The following MNAT1 variants were observed in gnomAD, a reference collection of about 807,000 sequenced individuals.
MNAT1 encodes MNAT1 component of CDK activating kinase.
MNAT1 carries 43 observed loss-of-function variants against 42.0 expected under a neutral mutation model. The ratio of observed to expected loss-of-function variants is 1.02; its 90% CI spans 0.80 to 1.32. The LOEUF is 1.32. Among genes scored for constraint, MNAT1 ranks in the 40% most tolerant of loss-of-function variants. The pLI is 0.00. For missense variants in MNAT1, 306 were observed against 350.4 expected (o/e 0.87, Z 1.01); for synonymous variants, 118 against 120.0 (o/e 0.98, Z 0.11).
At chr14:60,736,739 C>A (rs922208466) in intron 1 of MNAT1, among the ~76,000 whole-genome samples, 1 of 152,062 alleles carries the variant, frequency 6.6e-6, no homozygotes, top group African/African-American at 2.4e-5. Flanking sequence ...CTTTGTTAGC[C>A]GTTCTTCTTG....
Position 60,935,450 on chromosome 14 carries a change from C to T in MNAT1, c.810-32779C>T, listed in dbSNP as rs79234055. 1.8e-4 allele frequency among the ~76,000 whole-genome samples: 28 copies of T among 152,152 alleles called. 1 individual carries two copies. The East Asian group carries it at 5.0e-3, about 27-fold the overall frequency. ...ATAAAAAGTTGCATTTTGATTCTTACTGTTGCTTATTCATTTTCCATTAGT... is the reference window on the plus strand; with the variant it reads ...ATAAAAAGTTGCATTTTGATTCTTATTGTTGCTTATTCATTTTCCATTAGT... On this transcript the variant is annotated intron_variant, in intron 7 of 7. Coordinates refer to ENST00000261245, the MANE Select transcript of MNAT1 (RefSeq NM_002431.4).
In MNAT1 at chr14:60,812,040, T is replaced by A. The variant is rs755692118; in HGVS notation, c.474T>A (p.Asn158Lys). The A allele has an allele frequency of 2.5e-6, 4 of 1,604,392 alleles. No individual in the cohort carries two copies. Among genetic ancestry groups the A allele is most frequent in the African/African-American group, 1.3e-5 (1 of 74,256 alleles). ...EEALEVERQE[N>K]EQRRLFIQKE... is the part of the protein sequence containing the mutation. ...CTTTAGAAGTGGAACGACAGGAAAA[T>A]GAACAAAGAAGATTATTTATACAAA... Residue 158 changes from asparagine (N) to lysine (K), a missense_variant, in exon 5 of 8, where the codon AAT becomes AAA. Asn to Lys is a moderately conservative substitution (Grantham distance 94). Around this residue, in one of 3 missense-constraint regions of MNAT1, gnomAD observed 118 missense variants for 99.8 expected, o/e 1.18. Transcript: ENST00000261245.
chr14:60,916,384 A>G (rs570543330), intron 7 of MNAT1, among the ~76,000 whole-genome samples: 12 of 152,262 alleles, frequency 7.9e-5, no homozygotes, highest in East Asian at 5.8e-4. Flanking sequence ...GCCAGGTGCT[A>G]TGGCTCACGC....
At chr14:60,841,003 G>T (rs1432205798) in intron 6 of MNAT1, among the ~76,000 whole-genome samples, 1 of 152,146 alleles carries the variant, frequency 6.6e-6, no homozygotes, top group East Asian at 1.9e-4. Flanking sequence ...GTCTGTCTTG[G>T]TGAATATTGT....
intron 5 of MNAT1, among the ~76,000 whole-genome samples, chr14:60,817,134 T>G (rs1427971044): frequency 6.6e-6 from 1 of 151,930 alleles, no homozygotes; most frequent in African/African-American, 2.4e-5. Flanking sequence ...AGGAAATTTA[T>G]TTTTCTTTTG....
At chr14:60,942,942 C>A (rs555920461) in intron 7 of MNAT1, among the ~76,000 whole-genome samples, 1 of 147,790 alleles carries the variant, frequency 6.8e-6, no homozygotes, top group East Asian at 2.0e-4. Flanking sequence ...CTGATAATCT[C>A]TTAGTTATCT....
rs377454616 is a variant in MNAT1, at chr14:60,943,053, CTTTTT to C, written c.810-25162_810-25158del. On this transcript the variant is annotated intron_variant, in intron 7 of 7. Coordinates refer to ENST00000261245, the MANE Select transcript of MNAT1 (RefSeq NM_002431.4). The stretch of plus-strand genomic sequence containing the variant: ...GTGTGTGTGTGTGTGTGTGTGTGCG[CTTTTT>C]TTTTTTTTTTTTTGAGACGGAGTCT... 1.3e-4 allele frequency among the ~76,000 whole-genome samples: 7 copies of C among 53,102 alleles called. 1 individual carries two copies. The highest frequency in any genetic ancestry group is 1.6e-4 in the Non-Finnish European group (5 of 30,522). 34.8% of individuals were successfully genotyped at this position (53,102 alleles called of 152,430 possible).
chr14:60,898,592 C>T (rs969751003), intron 7 of MNAT1, among the ~76,000 whole-genome samples: 2 of 151,960 alleles, frequency 1.3e-5, no homozygotes, highest in Non-Finnish European at 2.9e-5. Context: ...TATTCTTTGC[C>T]TACTTTTTAA....
intron 7 of MNAT1, among the ~76,000 whole-genome samples, chr14:60,906,133 T>A (rs1046082481): frequency 2.0e-5 from 3 of 152,228 alleles, no homozygotes; most frequent in Middle Eastern, 6.8e-3. Flanking sequence ...GAACTGTAAA[T>A]GCACCAGTGG....
chr14:60,784,098 C>T (rs1171074006), intron 1 of MNAT1, among the ~76,000 whole-genome samples: 21 of 151,336 alleles, frequency 1.4e-4, no homozygotes, highest in Admixed American at 1.1e-3. Context: ...CCTCCGCCTC[C>T]GCCTCCTGGG....
chr14:60,936,471 C>T (rs1361912289), intron 7 of MNAT1, among the ~76,000 whole-genome samples: 8 of 146,264 alleles, frequency 5.5e-5, no homozygotes, highest in Admixed American at 1.4e-4. Context: ...TGAGAACATG[C>T]GGTGTTTGGT....
chr14:60,778,331 A>G (rs956982472), intron 1 of MNAT1, among the ~76,000 whole-genome samples: 2 of 152,096 alleles, frequency 1.3e-5, no homozygotes, highest in Non-Finnish European at 2.9e-5. Flanking sequence ...TCTGGTTCCT[A>G]GTTTTGTAAT....
Position 60,790,912 on chromosome 14 carries a change from TTA to T in MNAT1, c.90-5302_90-5301del, listed in dbSNP as rs2031797075. Among the ~76,000 whole-genome samples, 6 of 152,278 alleles carry T rather than the reference TTA, an allele frequency of 3.9e-5. No individual in the cohort carries two copies. In the South Asian group the frequency reaches 1.2e-3, roughly 32 times the overall value. ...TTTCCAACCTCTTTCTAGAAAATATTTATAGTGTTATTCCATAAAGGATTTAA... is the reference window on the plus strand; with the variant it reads ...TTTCCAACCTCTTTCTAGAAAATATTTAGTGTTATTCCATAAAGGATTTAA... On this transcript the variant is annotated intron_variant, in intron 1 of 7. Transcript: ENST00000261245.
chr14:60,752,306 G>C (rs1030902502), intron 1 of MNAT1, among the ~76,000 whole-genome samples: 18 of 152,194 alleles, frequency 1.2e-4, no homozygotes, highest in Admixed American at 3.9e-4. Flanking sequence ...GTGAGGACCA[G>C]TTAAGGATCT....
At chr14:60,797,626 TC>T (rs1322138913) in intron 2 of MNAT1, among the ~76,000 whole-genome samples, 4 of 152,128 alleles carry the variant, frequency 2.6e-5, no homozygotes, top group African/African-American at 9.7e-5. Context: ...AAACCTGGTG[TC>T]AAGAAAAACA....
intron 3 of MNAT1, among the ~76,000 whole-genome samples, chr14:60,805,651 C>A (rs919889690): frequency 1.3e-5 from 2 of 152,208 alleles, no homozygotes; most frequent in Non-Finnish European, 2.9e-5. Flanking sequence ...TAGTTGGAAT[C>A]ATACAGTATG....
intron 1 of MNAT1, 81 bp downstream of exon 1, chr14:60,735,032 T>C: frequency 7.3e-7 from 1 of 1,362,032 alleles, no homozygotes; most frequent in Non-Finnish European, 1.0e-6. Context: ...AGGCCTCGTC[T>C]TGGGAGCAAA....
rs552499468 is a variant in MNAT1, at chr14:60,846,157, TCTC to T, written c.687+27313_687+27315del. On this transcript the variant is annotated intron_variant, in intron 6 of 7. Coordinates refer to ENST00000261245, the MANE Select transcript of MNAT1 (RefSeq NM_002431.4). Reference sequence around the variant, plus strand: ...CCTCCCCTTGCCTCCCCTTCCCCATTCTCCTATTCCTTTTTCTTTTTCCTTCAT... The same window carrying T: ...CCTCCCCTTGCCTCCCCTTCCCCATTCTATTCCTTTTTCTTTTTCCTTCAT... 2.5e-3 allele frequency among the ~76,000 whole-genome samples: 373 copies of T among 151,466 alleles called. 1 individual carries two copies. Among genetic ancestry groups the T allele is most frequent in the African/African-American group, 8.6e-3 (354 of 41,334 alleles).
At chr14:60,889,428 T>TA (rs2034775970) in intron 7 of MNAT1, among the ~76,000 whole-genome samples, 1 of 152,134 alleles carries the variant, frequency 6.6e-6, no homozygotes, top group Admixed American at 6.6e-5. Flanking sequence ...ATCCCTTCCT[T>TA]ACACCTTATA....
Sources: gnomAD v4.1 joint callset for allele counts (sites outside exome capture counted in the v4.1 genomes callset) on GRCh38, gnomAD v4.1.1 for gene constraint, gnomAD v4.1.1 regional missense constraint, MANE v1.5 for transcripts, NCBI Gene and HGNC (gene_info 2026-07-23, HGNC 2026-07-21) for gene names.